The following SLC15A1 variants were observed in gnomAD, a reference collection of about 807,000 sequenced individuals.
SLC15A1 encodes solute carrier family 15 member 1, also known as Caco-2 oligopeptide transporter.
In SLC15A1, 83 loss-of-function variants were observed where a neutral mutation model predicts 92.9. That is an observed-to-expected ratio of 0.89 (90% CI 0.75 to 1.07). The LOEUF (loss-of-function observed/expected upper bound fraction) is 1.07. Among genes scored for constraint, SLC15A1 ranks in the 50% least tolerant of loss-of-function variants. SLC15A1 has a pLI of 0.00. For missense variants in SLC15A1, 857 were observed against 880.1 expected (o/e 0.97, Z 0.33); for synonymous variants, 322 against 318.2 (o/e 1.01, Z -0.13).
intron 16 of SLC15A1, among the ~76,000 whole-genome samples, chr13:98,705,662 T>G (rs1342323119): frequency 6.6e-6 from 1 of 151,962 alleles, no homozygotes; most frequent in Non-Finnish European, 1.5e-5. Context: ...GAGGCTGAGG[T>G]GGGTGAATCA....
At chr13:98,749,163 C>T (rs905012457) in intron 1 of SLC15A1, among the ~76,000 whole-genome samples, 7 of 152,300 alleles carry the variant, frequency 4.6e-5, no homozygotes, top group African/African-American at 1.7e-4. Flanking sequence ...TATTGTTCTT[C>T]GGTTGACTCA....
At position 98,717,396 on chromosome 13, in the gene SLC15A1, C is replaced by T. The variant is rs375498929; in HGVS notation, c.641-1436G>A. Among the ~76,000 whole-genome samples, 6 of 152,298 alleles carry T rather than the reference C, an allele frequency of 3.9e-5. No individual in the cohort carries two copies. In the South Asian group the frequency reaches 6.2e-4, roughly 16 times the overall value. ...CTGATTAACTGAAACCTAATTCAAG[C>T]GTAGGAATTTCTAGAGGCAGTGTTG... On this transcript the variant is annotated intron_variant, in intron 8 of 22. Coordinates refer to ENST00000376503, the MANE Select transcript of SLC15A1 (RefSeq NM_005073.4).
intron 2 of SLC15A1, 37 bp from the exon 3 acceptor site, chr13:98,726,486 C>T (rs760152740): frequency 1.9e-6 from 3 of 1,574,872 alleles, no homozygotes; most frequent in South Asian, 1.1e-5. Flanking sequence ...TTGAAATACA[C>T]CCCCCACTGG....
intron 9 of SLC15A1, among the ~76,000 whole-genome samples, 189 bp from the exon 10 acceptor site, chr13:98,712,773 G>A (rs961228830): frequency 6.6e-6 from 1 of 152,148 alleles, no homozygotes; most frequent in African/African-American, 2.4e-5. Context: ...CGTTTGAGTT[G>A]GGGTGAACAG....
intron 15 of SLC15A1, among the ~76,000 whole-genome samples, chr13:98,707,891 T>TAAAAAAA (rs745924829): frequency 9.4e-6 from 1 of 106,842 alleles, no homozygotes. Flanking sequence ...AGACCCTGTT[T>TAAAAAAA]AAAAAAAAAA....
chr13:98,723,244 A>G (rs114649668), intron 5 of SLC15A1, among the ~76,000 whole-genome samples: 3,382 of 152,300 alleles, frequency 0.022, 114 homozygotes, highest in African/African-American at 0.078. Flanking sequence ...TCTGGACAGC[A>G]GTCTGATCAA....
At chr13:98,726,025 T>C in intron 4 of SLC15A1, 98 bp downstream of exon 4, 1 of 1,459,936 alleles carries the variant, frequency 6.8e-7, no homozygotes, top group East Asian at 2.4e-5. Flanking sequence ...AGAGTTTCTG[T>C]TCTTTGATTC....
chr13:98,719,423 T>A, intron 7 of SLC15A1, 103 bp from the exon 8 acceptor site: 2 of 810,816 alleles, frequency 2.5e-6, no homozygotes, highest in Non-Finnish European at 4.1e-6. Context: ...TGCTTTCACA[T>A]ACTGTTCTAG....
chr13:98,687,821 C>G, intron 20 of SLC15A1, 97 bp from the exon 21 acceptor site: 3 of 1,406,566 alleles, frequency 2.1e-6, no homozygotes, highest in Middle Eastern at 4.7e-4. Flanking sequence ...AGGATTACAT[C>G]ATATGATTTG....
Position 98,712,593 on chromosome 13 carries a change from A to T in SLC15A1, c.724-9T>A. 1 of 1,601,828 alleles carries T rather than the reference A, an allele frequency of 6.2e-7. No homozygotes were observed. The highest frequency in any genetic ancestry group is 8.5e-7 in the Non-Finnish European group (1 of 1,173,758). ...CTATTTTTGATGGCAAACTGAAGGAAGGAAGAAAAATCGAATTTCAAAACA... is the reference window on the plus strand; with the variant it reads ...CTATTTTTGATGGCAAACTGAAGGATGGAAGAAAAATCGAATTTCAAAACA... On this transcript the variant is annotated splice_polypyrimidine_tract_variant and intron_variant, in intron 9 of 22. Transcript: ENST00000376503.
chr13:98,719,243 C>CT lies in SLC15A1; in HGVS notation c.633dup (p.Ala212SerfsTer24). The CT allele has an allele frequency of 6.2e-7, 1 of 1,612,800 alleles. No individual in the cohort carries two copies. The highest frequency in any genetic ancestry group is 8.5e-7 in the Non-Finnish European group (1 of 1,178,906). On this transcript the variant is annotated frameshift_variant, in exon 8 of 23. Coordinates refer to ENST00000376503, the MANE Select transcript of SLC15A1 (RefSeq NM_005073.4). LOFTEE classifies it high-confidence loss of function. ...TCAACCGATTTCCACTTACTCAGGG[C>CT]TACAGCCATGAGAGCAGCAGGAACC...
chr13:98,688,450 C>G lies in SLC15A1; in HGVS notation c.1574+20G>C. 1.2e-6 allele frequency: 2 copies of G among 1,606,898 alleles called. No homozygotes were observed. Among genetic ancestry groups the G allele is most frequent in the Non-Finnish European group, 8.5e-7 (1 of 1,173,910 alleles). ...AAAATTCTTGAACCTTTGAGTGAAGCATTCAGTCTCGGTACTTACATGCCA... is the reference window on the plus strand; with the variant it reads ...AAAATTCTTGAACCTTTGAGTGAAGGATTCAGTCTCGGTACTTACATGCCA... On this transcript the variant is annotated intron_variant, in intron 19 of 22. Coordinates refer to ENST00000376503, the MANE Select transcript of SLC15A1 (RefSeq NM_005073.4).
In SLC15A1 at chr13:98,712,575, T is replaced by G; in HGVS notation, c.733A>C (p.Lys245Gln). ...KVAKCIGFAI[K>Q]NRFRHRSKAF... is the part of the protein sequence containing the mutation. ...TTACTCCGATGCCTAAATCTATTTT[T>G]GATGGCAAACTGAAGGAAGGAAGAA... The change falls in exon 10 of 23, where the codon AAA becomes CAA. Residue 245 changes from lysine (K) to glutamine (Q), a missense_variant. Lys to Gln is a moderately conservative substitution (Grantham distance 53). Coordinates refer to ENST00000376503, the MANE Select transcript of SLC15A1 (RefSeq NM_005073.4). 1 of 1,607,872 alleles carries G rather than the reference T, an allele frequency of 6.2e-7. No homozygotes were observed.
chr13:98,721,389 C>T, intron 7 of SLC15A1, 106 bp downstream of exon 7: 1 of 804,920 alleles, frequency 1.2e-6, no homozygotes. Context: ...ATGTAGCTGA[C>T]AGCTAGAAAA....
chr13:98,719,401 A>AGGGATC, intron 7 of SLC15A1, 81 bp from the exon 8 acceptor site: 1 of 958,814 alleles, frequency 1.0e-6, no homozygotes, highest in Non-Finnish European at 1.7e-6. Flanking sequence ...TCCCTCACTG[A>AGGGATC]TAATTACGTA....
At chr13:98,698,897 C>T (rs1376699263) in intron 18 of SLC15A1, among the ~76,000 whole-genome samples, 2 of 152,084 alleles carry the variant, frequency 1.3e-5, no homozygotes, top group African/African-American at 4.8e-5. Flanking sequence ...CTACAGGGGA[C>T]TGGAGACTGG....
chr13:98,726,873 A>G lies in SLC15A1; in HGVS notation c.5-14T>C, dbSNP rs1406020817. 1.2e-6 allele frequency: 2 copies of G among 1,613,096 alleles called. No individual in the cohort carries two copies. The highest frequency in any genetic ancestry group is 1.7e-6 in the Non-Finnish European group (2 of 1,179,018). ...ATTTGGACATTCCTAAAAGAAAAAC[A>G]GAATCCCAATATTAAAGTCAAGCCA... On this transcript the variant is annotated splice_polypyrimidine_tract_variant and intron_variant, in intron 1 of 22. Transcript: ENST00000376503.
intron 11 of SLC15A1, among the ~76,000 whole-genome samples, chr13:98,711,619 AT>A (rs2139582338): frequency 6.6e-6 from 1 of 152,322 alleles, no homozygotes; most frequent in East Asian, 1.9e-4. Flanking sequence ...AATTGTCTTC[AT>A]TGTTAGCAAC....
At chr13:98,727,009 C>T (rs1163118806) in intron 1 of SLC15A1, 150 bp from the exon 2 acceptor site, 3 of 712,786 alleles carry the variant, frequency 4.2e-6, no homozygotes, top group African/African-American at 3.5e-5. Context: ...GCCCCAGACT[C>T]ATGCTTCTTA....
Sources: allele counts gnomAD v4.1 joint callset (sites outside exome capture counted in the v4.1 genomes callset), GRCh38; gene constraint gnomAD v4.1.1; transcripts MANE v1.5; gene names NCBI Gene and HGNC (gene_info 2026-07-23, HGNC 2026-07-21).